Variants in EYS observed in about 807,000 individuals in gnomAD.
EYS encodes EGF-like photoreceptor maintenance factor, also known as protein eyes shut homolog.
In EYS, 250 loss-of-function variants were observed where a neutral mutation model predicts 282.1. The observed-to-expected ratio is 0.89, with a 90% confidence interval of 0.80 to 0.98. EYS has a LOEUF of 0.98. Ranked by LOEUF, EYS falls within the 50% of genes least tolerant of loss-of-function variation. EYS has a pLI of 0.00. For missense variants in EYS, 4,016 were observed against 3,709.0 expected (o/e 1.08, Z -2.15); for synonymous variants, 1,355 against 1,282.9 (o/e 1.06, Z -1.20).
At chr6:65,583,202 G>A (rs1433648586) in intron 2 of EYS, among the ~76,000 whole-genome samples, 2 of 151,810 alleles carry the variant, frequency 1.3e-5, no homozygotes, top group African/African-American at 4.8e-5. Context: ...TAAAATCTAG[G>A]TTATAATACT....
intron 2 of EYS, among the ~76,000 whole-genome samples, chr6:65,571,186 T>G (rs1466965951): frequency 6.6e-6 from 1 of 152,074 alleles, no homozygotes; most frequent in Admixed American, 6.6e-5. Context: ...CATACATACA[T>G]GGGAGAAAAG....
At chr6:63,995,493 G>A (rs1239387024) in intron 34 of EYS, among the ~76,000 whole-genome samples, 1 of 151,810 alleles carries the variant, frequency 6.6e-6, no homozygotes, top group African/African-American at 2.4e-5. Flanking sequence ...ACAGTATGGG[G>A]GTTTCTCAAA....
At chr6:64,285,305 C>T (rs1250087344) in intron 30 of EYS, among the ~76,000 whole-genome samples, 1 of 152,054 alleles carries the variant, frequency 6.6e-6, no homozygotes, top group African/African-American at 2.4e-5. Context: ...CCACCAGATA[C>T]CCTAAATCAT....
At chr6:65,558,388 C>T (rs896721358) in intron 2 of EYS, among the ~76,000 whole-genome samples, 1 of 152,226 alleles carries the variant, frequency 6.6e-6, no homozygotes, top group African/African-American at 2.4e-5. Context: ...TGCACTGGAG[C>T]AGGCATTGGG....
intron 12 of EYS, among the ~76,000 whole-genome samples, chr6:65,213,024 T>TTTC (rs1766212490): frequency 6.6e-6 from 1 of 152,176 alleles, no homozygotes; most frequent in African/African-American, 2.4e-5. Flanking sequence ...TTCAACTGTT[T>TTTC]TTCTTTATTT....
rs1309453033 is a variant in EYS, at chr6:64,423,464, G to A, written c.5927+12710C>T. Among the ~76,000 whole-genome samples, 4 of 152,198 alleles carry A rather than the reference G, an allele frequency of 2.6e-5. No individual in the cohort carries two copies. The South Asian group carries it at 6.2e-4, about 24-fold the overall frequency. On this transcript the variant is annotated intron_variant, in intron 28 of 42. Coordinates refer to ENST00000503581, the MANE Select transcript of EYS (RefSeq NM_001142800.2). ...AGTTCTAATTACTGACAGACATGTA[G>A]TAGGTAGTGTTTCCTAACATTATAG...
chr6:64,141,936 C>T (rs1406873722), intron 31 of EYS, among the ~76,000 whole-genome samples: 4 of 152,124 alleles, frequency 2.6e-5, no homozygotes, highest in African/African-American at 9.7e-5. Flanking sequence ...TTCATAATCC[C>T]ATGTCAAAAG....
chr6:63,847,955 C>T (rs1772142349), intron 36 of EYS, among the ~76,000 whole-genome samples: 2 of 152,090 alleles, frequency 1.3e-5, no homozygotes, highest in South Asian at 4.1e-4. Flanking sequence ...AGTCATTTGA[C>T]TCATTGGGAA....
rs1204311569 is a variant in EYS at position 65,547,043 on chromosome 6, C to T, written c.-332-51050G>A. ...AATCAGAAGGTTCACTAGACAATGT[C>T]GAGAATGCCACTACGAAAAAACTGC... On this transcript the variant is annotated intron_variant, in intron 2 of 42. Transcript: ENST00000503581. Among the ~76,000 whole-genome samples the T allele has an allele frequency of 2.6e-5, 4 of 152,008 alleles. No homozygotes were observed. The East Asian group carries it at 5.8e-4, about 22-fold the overall frequency.
At chr6:64,038,008 A>T (rs552729965) in intron 33 of EYS, among the ~76,000 whole-genome samples, 1 of 152,344 alleles carries the variant, frequency 6.6e-6, no homozygotes, top group East Asian at 1.9e-4. Flanking sequence ...GAACTAAAAC[A>T]TATTTTAGAT....
At chr6:64,849,545 A>C (rs1237889307) in intron 19 of EYS, among the ~76,000 whole-genome samples, 2 of 152,034 alleles carry the variant, frequency 1.3e-5, no homozygotes, top group African/African-American at 4.8e-5. Context: ...ATTAGCTCAC[A>C]GTTTTATATA....
intron 12 of EYS, among the ~76,000 whole-genome samples, chr6:65,139,256 A>T (rs1357901038): frequency 6.6e-6 from 1 of 152,124 alleles, no homozygotes; most frequent in African/African-American, 2.4e-5. Flanking sequence ...CAGCCATAAA[A>T]AAAGAATGAG....
At chr6:64,580,850 A>G (rs1359539597) in intron 26 of EYS, among the ~76,000 whole-genome samples, 3 of 152,156 alleles carry the variant, frequency 2.0e-5, no homozygotes, top group Non-Finnish European at 2.9e-5. Context: ...AAGCTGAATG[A>G]GAGAATTCCT....
At chr6:64,550,796 A>C (rs1056005404) in intron 26 of EYS, among the ~76,000 whole-genome samples, 2 of 152,096 alleles carry the variant, frequency 1.3e-5, no homozygotes, top group Admixed American at 1.3e-4. Context: ...CAAAAATCAC[A>C]AGCATTCTTA....
intron 12 of EYS, among the ~76,000 whole-genome samples, chr6:65,143,060 T>C (rs1764388298): frequency 6.6e-6 from 1 of 152,022 alleles, no homozygotes; most frequent in Non-Finnish European, 1.5e-5. Flanking sequence ...AAAATGTATG[T>C]TTATGAAAAA....
At chr6:65,698,954 G>A (rs540940456) in intron 1 of EYS, among the ~76,000 whole-genome samples, 10 of 152,248 alleles carry the variant, frequency 6.6e-5, no homozygotes, top group African/African-American at 2.2e-4. Context: ...ACAACATAAT[G>A]TGTATTTCTT....
At chr6:65,208,033 C>T (rs575366328) in intron 12 of EYS, among the ~76,000 whole-genome samples, 31 of 151,790 alleles carry the variant, frequency 2.0e-4, no homozygotes, top group African/African-American at 7.2e-4. Flanking sequence ...AACTGAAAAG[C>T]TTCTACCTAA....
At chr6:65,293,028 C>T (rs916430686) in intron 12 of EYS, among the ~76,000 whole-genome samples, 1 of 151,636 alleles carries the variant, frequency 6.6e-6, no homozygotes, top group Non-Finnish European at 1.5e-5. Flanking sequence ...TCAGTCTCAT[C>T]TCAAACAGGA....
At chr6:64,467,021 A>G (rs1239728756) in intron 26 of EYS, among the ~76,000 whole-genome samples, 2 of 152,190 alleles carry the variant, frequency 1.3e-5, no homozygotes, top group Admixed American at 6.5e-5. Context: ...GTTCACTACA[A>G]ACAGACAAAC....
Sources: gnomAD v4.1 joint callset for allele counts (sites outside exome capture counted in the v4.1 genomes callset) on GRCh38, gnomAD v4.1.1 for gene constraint, MANE v1.5 for transcripts, NCBI Gene and HGNC (gene_info 2026-07-23, HGNC 2026-07-21) for gene names.